LMNTD1: variants seen among roughly 807,000 people sequenced by gnomAD.
The protein encoded by LMNTD1 is lamin tail domain-containing protein 1.
Under a neutral mutation model 50.9 loss-of-function variants are expected in LMNTD1, and 35 were observed. The ratio of observed to expected loss-of-function variants is 0.69; its 90% CI spans 0.53 to 0.91. LMNTD1 has a LOEUF of 0.91. Ranked by LOEUF, LMNTD1 falls within the 40% of genes least tolerant of loss-of-function variation. The probability of loss-of-function intolerance (pLI) is 0.00; values close to 1 mark genes in which losing one functional copy is unlikely to be tolerated. For missense variants in LMNTD1, 470 were observed against 475.5 expected (o/e 0.99, Z 0.11); for synonymous variants, 153 against 161.9 (o/e 0.94, Z 0.42).
chr12:25,570,630 G>A (rs747583115), intron 1 of LMNTD1, among the ~76,000 whole-genome samples: 8 of 152,160 alleles, frequency 5.3e-5, no homozygotes, highest in African/African-American at 7.2e-5. Flanking sequence ...AGTAGAGCCA[G>A]AGAGACAGGG....
chr12:25,597,141 A>T (rs1945859628), intron 1 of LMNTD1, among the ~76,000 whole-genome samples: 1 of 152,116 alleles, frequency 6.6e-6, no homozygotes. Context: ...ACAGAAAAGA[A>T]CAAAAAGACC....
chr12:25,632,227 T>C (rs1391836672), intron 1 of LMNTD1, among the ~76,000 whole-genome samples: 2 of 152,156 alleles, frequency 1.3e-5, no homozygotes, highest in African/African-American at 2.4e-5. Context: ...GAAAACATAT[T>C]TGGGGGAATA....
intron 5 of LMNTD1, 65 bp from the exon 6 acceptor site, chr12:25,526,283 G>T (rs1941703588): frequency 1.4e-6 from 2 of 1,470,138 alleles, no homozygotes; most frequent in Admixed American, 1.9e-5. Context: ...ATGTCATAGG[G>T]TTACTCCAAC....
intron 9 of LMNTD1, among the ~76,000 whole-genome samples, chr12:25,482,172 T>C (rs1328729828): frequency 6.6e-6 from 1 of 152,016 alleles, no homozygotes; most frequent in Non-Finnish European, 1.5e-5. Context: ...GTCATCAGCA[T>C]GTACACATTT....
Position 25,648,416 on chromosome 12 carries a change from G to T in LMNTD1, c.58+78C>A, listed in dbSNP as rs1309470196. The T allele has an allele frequency of 1.3e-5, 15 of 1,135,412 alleles. No individual in the cohort carries two copies. The East Asian group carries it at 3.8e-4, about 29-fold the overall frequency. 70.3% of individuals were successfully genotyped at this position (1,135,412 alleles called of 1,614,324 possible). A position where few individuals can be genotyped will look rare whatever the true frequency, so the allele number is the denominator to read the frequency against. ...GATATGACCACTTTCTAAAGTGTCA[G>T]GTGTTAGTATAAAAAGGAAATGAGG... On this transcript the variant is annotated intron_variant, in intron 1 of 7. Coordinates refer to the LMNTD1 transcript ENST00000445693.
At chr12:25,482,749 G>A (rs1034796138) in intron 9 of LMNTD1, among the ~76,000 whole-genome samples, 2 of 151,986 alleles carry the variant, frequency 1.3e-5, no homozygotes, top group Non-Finnish European at 2.9e-5. Flanking sequence ...CTGGTGCTGA[G>A]TTGGTGAGTG....
chr12:25,642,358 G>A (rs1458566876), intron 1 of LMNTD1, among the ~76,000 whole-genome samples: 3 of 152,108 alleles, frequency 2.0e-5, no homozygotes, highest in Non-Finnish European at 4.4e-5. Context: ...TTTATAAGGG[G>A]GTGAGAAAAC....
chr12:25,487,789 T>C (rs1230012539), intron 9 of LMNTD1, among the ~76,000 whole-genome samples: 3 of 85,658 alleles, frequency 3.5e-5, no homozygotes, highest in Non-Finnish European at 4.6e-5. Context: ...TTCCTTTCCA[T>C]GTTTAGCGCT....
At chr12:25,580,594 T>C (rs371967307) in intron 1 of LMNTD1, among the ~76,000 whole-genome samples, 2 of 152,240 alleles carry the variant, frequency 1.3e-5, no homozygotes, top group Admixed American at 6.5e-5. Context: ...ACAGTCTTTA[T>C]AGTAATTCTT....
chr12:25,637,682 T>C (rs1946864379), intron 1 of LMNTD1, among the ~76,000 whole-genome samples: 1 of 152,118 alleles, frequency 6.6e-6, no homozygotes, highest in South Asian at 2.1e-4. Flanking sequence ...ATATTCAATA[T>C]ATAAAGAACT....
chr12:25,623,976 G>T (rs4963905), intron 1 of LMNTD1, among the ~76,000 whole-genome samples: 76,229 of 151,936 alleles, frequency 0.5, 20,867 homozygotes, highest in Non-Finnish European at 0.63. Flanking sequence ...TGGGTGCTCA[G>T]AATTCATCAT....
At chr12:25,590,078 T>C (rs1411153894) in intron 1 of LMNTD1, among the ~76,000 whole-genome samples, 1 of 152,062 alleles carries the variant, frequency 6.6e-6, no homozygotes, top group Non-Finnish European at 1.5e-5. Context: ...AAGAAGCACC[T>C]CTATAAGAAC....
chr12:25,622,463 G>GGCCCCC (rs1946491734), intron 1 of LMNTD1, among the ~76,000 whole-genome samples: 1 of 111,152 alleles, frequency 9.0e-6, no homozygotes, highest in Non-Finnish European at 2.0e-5. Context: ...GAGTTTGTGA[G>GGCCCCC]CCCGCCCCCC....
chr12:25,514,805 G>C (rs1038427607), intron 8 of LMNTD1, among the ~76,000 whole-genome samples: 6 of 151,892 alleles, frequency 4.0e-5, no homozygotes, highest in Admixed American at 2.0e-4. Flanking sequence ...TTTTACATAT[G>C]AAAATATGCA....
At chr12:25,526,622 C>T (rs751057251) in intron 5 of LMNTD1, 147 bp downstream of exon 5, 23 of 478,700 alleles carry the variant, frequency 4.8e-5, no homozygotes, top group South Asian at 6.5e-5. Flanking sequence ...GGACAAAGTG[C>T]GGTAATTAAC....
chr12:25,549,127 T>C (rs1417281287), intron 3 of LMNTD1, among the ~76,000 whole-genome samples, 199 bp downstream of exon 3: 1 of 152,036 alleles, frequency 6.6e-6, no homozygotes, highest in Non-Finnish European at 1.5e-5. Context: ...GGCACATGCA[T>C]GTATGTGGCC....
At chr12:25,628,208 T>C (rs1001484503) in intron 1 of LMNTD1, among the ~76,000 whole-genome samples, 11 of 151,348 alleles carry the variant, frequency 7.3e-5, no homozygotes, top group African/African-American at 2.4e-4. Context: ...TGAAGTTGAC[T>C]TCAGGTAGTT....
intron 1 of LMNTD1, among the ~76,000 whole-genome samples, chr12:25,598,034 A>G (rs1004421289): frequency 6.6e-6 from 1 of 151,984 alleles, no homozygotes; most frequent in South Asian, 2.1e-4. Flanking sequence ...TGTTTTTATA[A>G]AGGGAGTTCC....
chr12:25,529,521 T>G (rs1942072893), intron 4 of LMNTD1, among the ~76,000 whole-genome samples: 1 of 152,210 alleles, frequency 6.6e-6, no homozygotes, highest in African/African-American at 2.4e-5. Context: ...CTTCCAATAC[T>G]GTCCCAGTTT....
Sources: allele counts gnomAD v4.1 joint callset (sites outside exome capture counted in the v4.1 genomes callset), GRCh38; gene constraint gnomAD v4.1.1; transcripts MANE v1.5; gene names NCBI Gene and HGNC (gene_info 2026-07-23, HGNC 2026-07-21).